NBAS: variants seen among roughly 807,000 people sequenced by gnomAD.
NBAS encodes the protein NBAS subunit of NRZ tethering complex, also known as NAG/BC035112 fusion.
NBAS carries 219 observed loss-of-function variants against 302.5 expected under a neutral mutation model. The observed-to-expected ratio is 0.72, with a 90% CI of 0.65 to 0.81. The LOEUF is 0.81. Among genes scored for constraint, NBAS ranks in the 30% least tolerant of loss-of-function variants. NBAS has a pLI of 0.00. For missense variants in NBAS, 2,932 were observed against 2,841.6 expected (o/e 1.03, Z -0.72); for synonymous variants, 1,118 against 1,021.6 (o/e 1.09, Z -1.80).
intron 40 of NBAS, among the ~76,000 whole-genome samples, chr2:15,292,992 T>A (rs1039796021): frequency 2.6e-5 from 4 of 152,128 alleles, no homozygotes; most frequent in African/African-American, 9.7e-5. Flanking sequence ...AAAACAGCTT[T>A]TTGAACTCTT....
the NBAS span, among the ~76,000 whole-genome samples, chr2:14,982,643 A>T: frequency 1.3e-5 from 2 of 152,200 alleles, no homozygotes; most frequent in South Asian, 4.1e-4. Context: ...AAAAAATATC[A>T]AGAGGTATGT....
At chr2:14,788,240 T>G in the NBAS span, among the ~76,000 whole-genome samples, 2 of 152,290 alleles carry the variant, frequency 1.3e-5, no homozygotes, top group Non-Finnish European at 2.9e-5. Context: ...TTTTTCAAAG[T>G]TTTTACCTTC....
Position 15,238,689 on chromosome 2 carries a change from T to TA in NBAS, c.5725-4dup, listed in dbSNP as rs758697933. 48 of 1,457,914 alleles carry TA rather than the reference T, an allele frequency of 3.3e-5. No individual in the cohort carries two copies. Among genetic ancestry groups the TA allele is most frequent in the African/African-American group, 1.2e-4 (4 of 33,686 alleles). 90.3% of individuals were successfully genotyped at this position (1,457,914 alleles called of 1,614,324 possible). Reference sequence around the variant, plus strand: ...TCTTTACGGGCTTCCACAGACAGCTTAAAAAAAAGAATAGTGAGACCAAAG... The same window carrying TA: ...TCTTTACGGGCTTCCACAGACAGCTTAAAAAAAAAGAATAGTGAGACCAAAG... On this transcript the variant is annotated splice_polypyrimidine_tract_variant and splice_region_variant and intron_variant, in intron 44 of 51. Coordinates refer to ENST00000281513, the MANE Select transcript of NBAS (RefSeq NM_015909.4).
intron 21 of NBAS, among the ~76,000 whole-genome samples, chr2:15,432,691 G>A (rs551467951): frequency 4.6e-5 from 7 of 152,040 alleles, no homozygotes; most frequent in Admixed American, 1.3e-4. Flanking sequence ...ATTTAGCAGA[G>A]AATAAAACGT....
At chr2:15,180,752 A>G (rs1664781622) in intron 50 of NBAS, among the ~76,000 whole-genome samples, 2 of 152,158 alleles carry the variant, frequency 1.3e-5, no homozygotes. Context: ...TGCATTTTTA[A>G]TTTTACTTAA....
At chr2:15,097,931 T>C in the NBAS span, among the ~76,000 whole-genome samples, 22 of 104,730 alleles carry the variant, frequency 2.1e-4, no homozygotes, top group Non-Finnish European at 3.8e-4. Flanking sequence ...ATTATATATA[T>C]TACATATATA....
chr2:15,526,178 G>C (rs185157831), intron 9 of NBAS, among the ~76,000 whole-genome samples: 1 of 152,250 alleles, frequency 6.6e-6, no homozygotes, highest in Admixed American at 6.5e-5. Flanking sequence ...GTTGAAGAAA[G>C]GAAGCAAGAC....
chr2:15,202,804 C>T (rs1665941523), intron 48 of NBAS, among the ~76,000 whole-genome samples: 1 of 152,166 alleles, frequency 6.6e-6, no homozygotes, highest in African/African-American at 2.4e-5. Context: ...TCCCAAAGTG[C>T]TGGGATTACA....
chr2:15,503,546 T>C (rs16862707), intron 11 of NBAS, among the ~76,000 whole-genome samples: 3,419 of 152,104 alleles, frequency 0.022, 62 homozygotes, highest in Non-Finnish European at 0.037. Flanking sequence ...AAGACTCTTG[T>C]GAAAGTCAAA....
intron 21 of NBAS, among the ~76,000 whole-genome samples, chr2:15,440,298 C>T (rs755061261): frequency 2.6e-5 from 4 of 152,150 alleles, no homozygotes; most frequent in South Asian, 2.1e-4. Context: ...CCCGGTACTC[C>T]GCTGAGACAA....
the NBAS span, among the ~76,000 whole-genome samples, chr2:14,838,440 C>G: frequency 6.6e-6 from 1 of 151,796 alleles, no homozygotes; most frequent in Admixed American, 6.6e-5. Context: ...TTATAATTTC[C>G]AGTTTTCTGA....
chr2:14,787,129 G>A, the NBAS span, among the ~76,000 whole-genome samples: 7 of 152,212 alleles, frequency 4.6e-5, no homozygotes, highest in African/African-American at 1.4e-4. Flanking sequence ...TTTTATCAGA[G>A]ACTAGGATTG....
chr2:15,461,978 T>C (rs1329380038), intron 19 of NBAS, among the ~76,000 whole-genome samples, 187 bp from the exon 20 acceptor site: 1 of 152,262 alleles, frequency 6.6e-6, no homozygotes, highest in Non-Finnish European at 1.5e-5. Flanking sequence ...GAAAGGGCTA[T>C]ATTAATAAAT....
the NBAS span, among the ~76,000 whole-genome samples, chr2:15,017,320 A>G: frequency 1.3e-5 from 2 of 152,120 alleles, no homozygotes; most frequent in Non-Finnish European, 2.9e-5. Flanking sequence ...AACAAATGGG[A>G]TAATATCAAA....
intron 31 of NBAS, among the ~76,000 whole-genome samples, chr2:15,367,035 T>A (rs973734060): frequency 1.3e-5 from 2 of 152,128 alleles, no homozygotes; most frequent in Admixed American, 1.3e-4. Flanking sequence ...AAAAACTTCA[T>A]ATACTTAGTA....
At chr2:15,091,539 C>CTT in the NBAS span, among the ~76,000 whole-genome samples, 2 of 144,012 alleles carry the variant, frequency 1.4e-5, no homozygotes, top group African/African-American at 2.5e-5. Flanking sequence ...TTTTCTTTTT[C>CTT]TTTTTTTTTT....
chr2:15,103,043 G>GAAA, the NBAS span, among the ~76,000 whole-genome samples: 1 of 141,296 alleles, frequency 7.1e-6, no homozygotes, highest in African/African-American at 2.8e-5. Flanking sequence ...AGGGTCGGAG[G>GAAA]GAGGGAGGGA....
At chr2:15,045,787 T>C in the NBAS span, among the ~76,000 whole-genome samples, 1 of 152,230 alleles carries the variant, frequency 6.6e-6, no homozygotes, top group African/African-American at 2.4e-5. Flanking sequence ...GGAACCTCCA[T>C]ATTGTTTTCC....
chr2:15,359,064 A>C (rs1673769070), intron 32 of NBAS, among the ~76,000 whole-genome samples: 1 of 152,188 alleles, frequency 6.6e-6, no homozygotes, highest in Non-Finnish European at 1.5e-5. Flanking sequence ...CTCAGTTGGA[A>C]CAGAGACTGT....
Sources: allele counts gnomAD v4.1 joint callset (sites outside exome capture counted in the v4.1 genomes callset), GRCh38; gene constraint gnomAD v4.1.1; transcripts MANE v1.5; gene names NCBI Gene and HGNC (gene_info 2026-07-23, HGNC 2026-07-21).